The following ST3GAL6 variants were observed in gnomAD, a reference collection of about 807,000 sequenced individuals.
The protein encoded by ST3GAL6 is type 2 lactosamine alpha-2,3-sialyltransferase.
ST3GAL6 carries 31 observed loss-of-function variants against 40.5 expected under a neutral mutation model. That is an observed-to-expected ratio of 0.77 (90% CI 0.58 to 1.03). The LOEUF is 1.03. ST3GAL6 is among the 50% of genes least tolerant of loss of function. The pLI, the probability that ST3GAL6 is intolerant of heterozygous loss-of-function variation, is 0.00. For synonymous variants in ST3GAL6, 129 were observed against 136.9 expected (o/e 0.94, Z 0.40); for missense variants, 357 against 393.2 (o/e 0.91, Z 0.78).
At chr3:98,740,634 T>A (rs1273258450) in intron 1 of ST3GAL6, among the ~76,000 whole-genome samples, 1 of 152,214 alleles carries the variant, frequency 6.6e-6, no homozygotes, top group African/African-American at 2.4e-5. Flanking sequence ...AGCCTTACTT[T>A]CCTTATCTAT....
upstream of ST3GAL6, chr3:98,762,973 A>G: frequency 2.0e-6 from 2 of 985,452 alleles, no homozygotes; most frequent in South Asian, 9.4e-5. Flanking sequence ...TGGGATATGA[A>G]TGAAGCTGAT....
intron 5 of ST3GAL6, among the ~76,000 whole-genome samples, chr3:98,775,513 A>C (rs1345840137): frequency 6.6e-6 from 1 of 151,896 alleles, no homozygotes; most frequent in Admixed American, 6.6e-5. Context: ...TCCTTGCAGC[A>C]ATTATCTGCA....
At chr3:98,772,655 G>T (rs1482066841) in intron 3 of ST3GAL6, among the ~76,000 whole-genome samples, 158 bp from the exon 4 acceptor site, 1 of 151,848 alleles carries the variant, frequency 6.6e-6, no homozygotes, top group Non-Finnish European at 1.5e-5. Context: ...TTTCAGCACG[G>T]TTTAAAGTTA....
At chr3:98,760,176 A>C (rs949922945), upstream of ST3GAL6, among the ~76,000 whole-genome samples, 1 of 152,098 alleles carries the variant, frequency 6.6e-6, no homozygotes, top group Non-Finnish European at 1.5e-5. Flanking sequence ...CCCCTCAAAA[A>C]CTGTTTTCTG....
chr3:98,746,900 G>T (rs899476445), intron 1 of ST3GAL6, among the ~76,000 whole-genome samples: 1 of 152,062 alleles, frequency 6.6e-6, no homozygotes, highest in African/African-American at 2.4e-5. Context: ...ATGTCTTTGA[G>T]GTAACATTTG....
intron 1 of ST3GAL6, among the ~76,000 whole-genome samples, chr3:98,743,626 T>C (rs1936306050): frequency 6.6e-6 from 1 of 152,196 alleles, no homozygotes; most frequent in Admixed American, 6.5e-5. Context: ...TAAATTTCCT[T>C]ACAGTGAATG....
Position 98,770,881 on chromosome 3 carries a change from T to C in ST3GAL6, c.92T>C (p.Val31Ala). ...CTGACATTATTTTTGTCTCATAGGG[T>C]GGCACCTGTGGAAATGAAACGGAGA... The part of the protein sequence containing the change: ...CILWGTNVYW[V>A]APVEMKRRNK... Residue 31 changes from valine (V) to alanine (A), a missense_variant and splice_region_variant, in exon 3 of 10, where the codon GTG (valine) becomes GCG (alanine). By Grantham distance (64) the Val-to-Ala change is moderately conservative (BLOSUM62 0). Coordinates refer to ENST00000483910, the MANE Select transcript of ST3GAL6 (RefSeq NM_001323368.2). The C allele has an allele frequency of 6.2e-7, 1 of 1,613,988 alleles. No homozygotes were observed. Among genetic ancestry groups the C allele is most frequent in the Non-Finnish European group, 8.5e-7 (1 of 1,179,912 alleles).
rs779924288 is a variant in ST3GAL6, at chr3:98,768,491, T to C, written c.51T>C (p.Tyr17=). ...AIFLSAVFLY[Y]VLHCILWGTN... The stretch of plus-strand genomic sequence containing the variant: ...TCCTGAGTGCTGTCTTCCTCTATTA[T>C]GTACTGCATTGCATATTATGGGGAA... The change falls in exon 2 of 10, where the codon TAT becomes TAC. Residue 17 remains tyrosine (Y), a synonymous_variant. Transcript: ENST00000483910. The C allele has an allele frequency of 3.1e-6, 5 of 1,613,672 alleles. No individual in the cohort carries two copies. Among genetic ancestry groups the C allele is most frequent in the Admixed American group, 1.7e-5 (1 of 60,004 alleles).
intron 5 of ST3GAL6, among the ~76,000 whole-genome samples, chr3:98,780,118 G>A (rs11914715): frequency 0.17 from 26,507 of 152,182 alleles, 2,478 homozygotes; most frequent in African/African-American, 0.25. Flanking sequence ...TGAAGTCAAG[G>A]AGAGAATGAA....
chr3:98,732,867 T>A (rs1385134511), intron 1 of ST3GAL6: 1 of 1,512,492 alleles, frequency 6.6e-7, no homozygotes, highest in Non-Finnish European at 8.8e-7. Context: ...CGGCCCGATG[T>A]GGCAGGCGCC....
rs1940261937 is a variant in ST3GAL6, at chr3:98,782,745, A to G, written c.336-2200A>G. 1.4e-5 allele frequency: 7 copies of G among 502,294 alleles called. No homozygotes were observed. The Admixed American group carries it at 1.4e-4, about 10-fold the overall frequency. 31.1% of individuals were successfully genotyped at this position (502,294 alleles called of 1,614,324 possible). On this transcript the variant is annotated intron_variant, in intron 5 of 9. Transcript: ENST00000483910. Reference sequence around the variant, plus strand: ...AATGGCGTGTCCATAGATCATGTTCAGCCTCCAAGTGGTCTCATAATCAAC... The same window carrying G: ...AATGGCGTGTCCATAGATCATGTTCGGCCTCCAAGTGGTCTCATAATCAAC...
In ST3GAL6 at chr3:98,793,829, AAT is replaced by A; in HGVS notation, c.*71_*72del. The A allele has an allele frequency of 1.0e-6, 1 of 989,574 alleles. No homozygotes were observed. The highest frequency in any genetic ancestry group is 1.7e-5 in the South Asian group (1 of 59,480). 61.3% of individuals were successfully genotyped at this position (989,574 alleles called of 1,614,324 possible). A position where few individuals can be genotyped will look rare whatever the true frequency, so the allele number is the denominator to read the frequency against. ...TTTTGTACTGCAATTTTTAGTTTAAAATATGTTGGATGCACTCGTCAAATAAT... is the reference window on the plus strand; with the variant it reads ...TTTTGTACTGCAATTTTTAGTTTAAAATGTTGGATGCACTCGTCAAATAAT... On this transcript the variant is annotated 3_prime_UTR_variant, in exon 10 of 10. Transcript: ENST00000483910.
chr3:98,781,917 A>G (rs1332970174), intron 5 of ST3GAL6, among the ~76,000 whole-genome samples: 1 of 152,142 alleles, frequency 6.6e-6, no homozygotes, highest in Non-Finnish European at 1.5e-5. Context: ...CAGCTTTAGG[A>G]GGTGTAGCCT....
upstream of ST3GAL6, among the ~76,000 whole-genome samples, chr3:98,758,426 G>T (rs958818312): frequency 6.6e-6 from 1 of 152,116 alleles, no homozygotes; most frequent in Non-Finnish European, 1.5e-5. Context: ...AATTTGAAAT[G>T]TTGTTTACAA....
chr3:98,774,301 A>T (rs1159761012), intron 5 of ST3GAL6, among the ~76,000 whole-genome samples: 1 of 152,136 alleles, frequency 6.6e-6, no homozygotes, highest in East Asian at 1.9e-4. Flanking sequence ...TAATCAGCTC[A>T]TGGCTTCCCT....
chr3:98,790,987 G>A (rs905595779), intron 8 of ST3GAL6, among the ~76,000 whole-genome samples: 5 of 152,066 alleles, frequency 3.3e-5, no homozygotes, highest in Non-Finnish European at 5.9e-5. Context: ...GTGCTTCTTC[G>A]ATTTTTTTTT....
At chr3:98,787,393 T>C (rs1361682767) in intron 6 of ST3GAL6, among the ~76,000 whole-genome samples, 1 of 152,222 alleles carries the variant, frequency 6.6e-6, no homozygotes, top group Non-Finnish European at 1.5e-5. Context: ...GCATTTCTTT[T>C]TTTATAGCAT....
At chr3:98,768,317 T>TCTATAGTTCCTTTTGTATATTTTTTC (rs1938601638) in intron 1 of ST3GAL6, 113 bp from the exon 2 acceptor site, 2 of 781,932 alleles carry the variant, frequency 2.6e-6, no homozygotes, top group African/African-American at 3.5e-5. Context: ...ATCATTTTTT[T>TCTATAGTTCCTTTTGTATATTTTTTC]CTATAGTTCC....
chr3:98,753,155 G>A (rs1028605445), intron 1 of ST3GAL6, among the ~76,000 whole-genome samples: 2 of 152,186 alleles, frequency 1.3e-5, no homozygotes, highest in Admixed American at 1.3e-4. Context: ...TATTACAAGT[G>A]CTTCTCCAGT....
Sources: gnomAD v4.1 joint callset for allele counts (sites outside exome capture counted in the v4.1 genomes callset) on GRCh38, gnomAD v4.1.1 for gene constraint, MANE v1.5 for transcripts, NCBI Gene and HGNC (gene_info 2026-07-23, HGNC 2026-07-21) for gene names.